The following STBD1 variants were observed in gnomAD, a reference collection of about 807,000 sequenced individuals.
STBD1 encodes the protein starch binding domain 1.
In STBD1, 13 loss-of-function variants were observed where a neutral mutation model predicts 10.5. That is an observed-to-expected ratio of 1.24 (90% CI 0.81 to 1.97). The LOEUF is 1.97. STBD1 is among the 30% of genes most tolerant of loss of function. The pLI, the probability that STBD1 is intolerant of heterozygous loss-of-function variation, is 0.00. For missense variants in STBD1, 427 were observed against 435.6 expected, an observed-to-expected ratio of 0.98 and a Z score of 0.17; for synonymous variants, 146 against 160.2, an observed-to-expected ratio of 0.91 and a Z score of 0.67.
chr4:76,307,917 C>G (rs1718825853), intron 1 of STBD1, among the ~76,000 whole-genome samples: 1 of 152,260 alleles, frequency 6.6e-6, no homozygotes, highest in East Asian at 1.9e-4. Context: ...TGTGATTGGT[C>G]TGGGATGCCT....
rs112760770 is a variant in STBD1 at position 76,310,428 on chromosome 4, TA to T, written c.*430del. The T allele has an allele frequency of 0.025, 4,059 of 163,284 alleles. 179 individuals carry two copies. The highest frequency in any genetic ancestry group is 0.092 in the African/African-American group (3,837 of 41,764). 10.1% of individuals were successfully genotyped at this position (163,284 alleles called of 1,614,324 possible). A position where few individuals can be genotyped will look rare whatever the true frequency, so the allele number is the denominator to read the frequency against. On this transcript the variant is annotated 3_prime_UTR_variant, in exon 2 of 2. Transcript: ENST00000237642. The stretch of plus-strand genomic sequence containing the variant: ...TGATCTTTAAACTATGGTAGTAAAA[TA>T]AGCCTCACTCAAACATAGCTGACTT...
rs1578829596 is a variant in STBD1 at position 76,310,083 on chromosome 4, A to C, written c.*83A>C. The C allele has an allele frequency of 6.7e-7, 1 of 1,496,718 alleles. No homozygotes were observed. The highest frequency in any genetic ancestry group is 2.3e-5 in the East Asian group (1 of 44,046). The allele number at this position is 1,496,718 out of a possible 1,614,324, so 92.7% of individuals were successfully genotyped here. Reference sequence around the variant, plus strand: ...GGAACACACTGAATAAAATAAAGGCAGTGTGACTCCAAATTCAGCCATCTG... The same window carrying C: ...GGAACACACTGAATAAAATAAAGGCCGTGTGACTCCAAATTCAGCCATCTG... On this transcript the variant is annotated 3_prime_UTR_variant, in exon 2 of 2. Transcript: ENST00000237642.
rs1389151179 is a variant in STBD1, at chr4:76,308,960, C to T, written c.221-184C>T. Among the ~76,000 whole-genome samples the T allele has an allele frequency of 6.6e-5, 10 of 152,302 alleles. 1 individual carries two copies. Among genetic ancestry groups the T allele is most frequent in the Admixed American group, 6.5e-4 (10 of 15,298 alleles). On this transcript the variant is annotated intron_variant, in intron 1 of 1. Coordinates refer to ENST00000237642, the MANE Select transcript of STBD1 (RefSeq NM_003943.5). ...TTGTTGTCAGATATACATGTGTATT[C>T]TTAGAGCACAGTGTTGGGAGCATAC...
In STBD1 at chr4:76,311,054, G is replaced by T. The variant is rs1377943068; in HGVS notation, c.*1054G>T. ...GACAGTGGTACAGAAATACATCTTT[G>T]CTCTGAGAATACAGCAAATATTAAC... is the stretch of plus-strand genomic sequence containing the variant. On this transcript the variant is annotated 3_prime_UTR_variant, in exon 2 of 2. Coordinates refer to ENST00000237642, the MANE Select transcript of STBD1 (RefSeq NM_003943.5). The T allele has an allele frequency of 6.6e-6, 1 of 152,146 alleles. No homozygotes were observed. Among genetic ancestry groups the T allele is most frequent in the Non-Finnish European group, 1.5e-5 (1 of 68,020 alleles). 9.4% of individuals were successfully genotyped at this position (152,146 alleles called of 1,614,324 possible). A position where few individuals can be genotyped will look rare whatever the true frequency, so the allele number is the denominator to read the frequency against.
rs1718917722 is a variant in STBD1, at chr4:76,310,680, G to A, written c.*680G>A. On this transcript the variant is annotated 3_prime_UTR_variant, in exon 2 of 2. Transcript: ENST00000237642. ...GTACGTCTTTGTCTTAATGATCTAA[G>A]GCTGGTGTAGAAACAAAGGGCCTAA... 1 of 152,712 alleles carries A rather than the reference G, an allele frequency of 6.5e-6. No homozygotes were observed. The highest frequency in any genetic ancestry group is 2.4e-5 in the African/African-American group (1 of 41,426). 9.5% of individuals were successfully genotyped at this position (152,712 alleles called of 1,614,324 possible).
chr4:76,309,190 C>T lies in STBD1; in HGVS notation c.267C>T (p.Asp89=), dbSNP rs1221646319. The T allele has an allele frequency of 6.2e-7, 1 of 1,606,970 alleles. No individual in the cohort carries two copies. The highest frequency in any genetic ancestry group is 1.1e-5 in the South Asian group (1 of 88,654). ...GACATTTGATTTCTAAGACCAAAGA[C>T]CTTGGTAAACTGCAAGCAGCATCAT... is the stretch of plus-strand genomic sequence containing the variant. The part of the protein sequence containing the change: ...SNGHLISKTK[D]LGKLQAASWR... Residue 89 remains aspartate, a synonymous_variant, in exon 2 of 2, where the codon GAC becomes GAT. Coordinates refer to ENST00000237642, the MANE Select transcript of STBD1 (RefSeq NM_003943.5).
rs758504609 is a variant in STBD1 at position 76,309,669 on chromosome 4, G to A, written c.746G>A (p.Gly249Glu). The A allele has an allele frequency of 7.4e-6, 12 of 1,614,212 alleles. No homozygotes were observed. Among genetic ancestry groups the A allele is most frequent in the Non-Finnish European group, 1.0e-5 (12 of 1,180,036 alleles). ...GAAGCAAGAGGTCAGCAAGTGCATG[G>A]GAAAATGGAAAGGGTAGCAGTGATG... ...LVEARGQQVH[G>E]KMERVAVMPA... Residue 249 changes from glycine to glutamate, a missense_variant, in exon 2 of 2, where the codon GGG becomes GAG. By Grantham distance (98) the Gly-to-Glu change is moderately conservative. Coordinates refer to ENST00000237642, the MANE Select transcript of STBD1 (RefSeq NM_003943.5).
intron 1 of STBD1, among the ~76,000 whole-genome samples, chr4:76,307,650 A>T (rs1718816576): frequency 6.9e-6 from 1 of 145,742 alleles, no homozygotes; most frequent in Non-Finnish European, 1.6e-5. Flanking sequence ...AGTCATCCCT[A>T]GGAAGGGACT....
rs1482163059 is a variant in STBD1 at position 76,306,798 on chromosome 4, T to C, written c.29T>C (p.Val10Ala). 6.2e-7 allele frequency: 1 copy of C among 1,612,328 alleles called. No individual in the cohort carries two copies. The highest frequency in any genetic ancestry group is 8.5e-7 in the Non-Finnish European group (1 of 1,179,720). Residue 10 changes from valine to alanine, a missense_variant, in exon 1 of 2, where the codon GTT becomes GCT. Transcript: ENST00000237642. ...GGCGCCGTCTGGTCCGCCCTGCTGGTTGGAGGGGGTCTGGCCGGAGCACTT... is the reference window on the plus strand; with the variant it reads ...GGCGCCGTCTGGTCCGCCCTGCTGGCTGGAGGGGGTCTGGCCGGAGCACTT... Reference protein sequence around the residue: MGAVWSALLVGGGLAGALFV... With the variant: MGAVWSALLAGGGLAGALFV...
At position 76,309,552 on chromosome 4, in the gene STBD1, C is replaced by T; in HGVS notation, c.629C>T (p.Ser210Leu). Residue 210 changes from serine (S) to leucine (L), a missense_variant, in exon 2 of 2, where the codon TCA (serine) becomes TTA (leucine). Ser to Leu is a moderately radical substitution (Grantham distance 145, BLOSUM62 -2). Coordinates refer to ENST00000237642, the MANE Select transcript of STBD1 (RefSeq NM_003943.5). ...HEEWEMVPRH[S>L]SWGDVGVGGS... ...GAGTGGGAAATGGTGCCTAGGCACT[C>T]ATCTTGGGGGGATGTTGGTGTGGGT... 3 of 1,614,202 alleles carry T rather than the reference C, an allele frequency of 1.9e-6. No individual in the cohort carries two copies. Among genetic ancestry groups the T allele is most frequent in the South Asian group, 1.1e-5 (1 of 91,086 alleles).
Position 76,310,175 on chromosome 4 carries a change from T to C in STBD1, c.*175T>C. The C allele has an allele frequency of 6.8e-6, 5 of 740,172 alleles. No individual in the cohort carries two copies. The highest frequency in any genetic ancestry group is 1.1e-5 in the Non-Finnish European group (5 of 459,878). The allele number at this position is 740,172 out of a possible 1,614,324, so 45.9% of individuals were successfully genotyped here. On this transcript the variant is annotated 3_prime_UTR_variant, in exon 2 of 2. Transcript: ENST00000237642. ...AATATATATGTCTAATGTGCAGAAA[T>C]ATATATGTGTGTATGTGTGTATATA...
intron 1 of STBD1, among the ~76,000 whole-genome samples, chr4:76,307,902 T>A (rs771987318): frequency 6.6e-6 from 1 of 152,156 alleles, no homozygotes; most frequent in Non-Finnish European, 1.5e-5. Flanking sequence ...CCCGTGTGCC[T>A]TTACTGTGAT....
At chr4:76,308,272 C>CAAA (rs34078861) in intron 1 of STBD1, among the ~76,000 whole-genome samples, 15 of 110,916 alleles carry the variant, frequency 1.4e-4, no homozygotes, top group East Asian at 5.2e-4. Flanking sequence ...GACTCCATCT[C>CAAA]AAAAAAAAAA....
In STBD1 at chr4:76,309,932, T is replaced by C; in HGVS notation, c.1009T>C (p.Cys337Arg). Residue 337 changes from cysteine (C) to arginine (R), a missense_variant, in exon 2 of 2, where the codon TGC (cysteine) becomes CGC (arginine). Transcript: ENST00000237642. ...TGGGGGAGTTACCCGCTGGGAAGAA[T>C]GCAGCAATAGATTCCTAGAAACTGG... ...ENGGVTRWEECSNRFLETGHE... is the reference protein window; with the variant it reads ...ENGGVTRWEERSNRFLETGHE... The C allele has an allele frequency of 1.2e-6, 2 of 1,614,030 alleles. No individual in the cohort carries two copies. The highest frequency in any genetic ancestry group is 1.7e-6 in the Non-Finnish European group (2 of 1,180,024).
chr4:76,308,683 A>G (rs1044734677), intron 1 of STBD1, among the ~76,000 whole-genome samples: 4 of 152,178 alleles, frequency 2.6e-5, no homozygotes, highest in African/African-American at 7.2e-5. Flanking sequence ...GCGAGAGCCA[A>G]TCCCTGCCCT....
At chr4:76,307,536 C>T (rs1718811216) in intron 1 of STBD1, among the ~76,000 whole-genome samples, 1 of 152,234 alleles carries the variant, frequency 6.6e-6, no homozygotes, top group Non-Finnish European at 1.5e-5. Flanking sequence ...TCAGGTTGGA[C>T]TCTGGCCATG....
chr4:76,307,479 C>T (rs1220189898), intron 1 of STBD1, among the ~76,000 whole-genome samples: 1 of 152,240 alleles, frequency 6.6e-6, no homozygotes, highest in Non-Finnish European at 1.5e-5. Context: ...AACACCCGAA[C>T]TGCGGGCGCC....
intron 1 of STBD1, among the ~76,000 whole-genome samples, chr4:76,308,184 G>A (rs564941232): frequency 6.7e-6 from 1 of 149,026 alleles, no homozygotes; most frequent in South Asian, 2.1e-4. Context: ...CAGGAGAATC[G>A]CTTGAACCCG....
rs1718909309 is a variant in STBD1 at position 76,310,375 on chromosome 4, G to T, written c.*375G>T. The T allele has an allele frequency of 1.0e-5, 2 of 194,616 alleles. No homozygotes were observed. Among genetic ancestry groups the T allele is most frequent in the East Asian group, 1.3e-4 (1 of 7,772 alleles). 12.1% of individuals were successfully genotyped at this position (194,616 alleles called of 1,614,324 possible). On this transcript the variant is annotated 3_prime_UTR_variant, in exon 2 of 2. Transcript: ENST00000237642. ...CACGGAGCAAAAACATTAACCAGCT[G>T]CCCAGGGTTCAAGCTTGAGCCTTTA...
Sources: gnomAD v4.1 joint callset for allele counts (sites outside exome capture counted in the v4.1 genomes callset) on GRCh38, gnomAD v4.1.1 for gene constraint, MANE v1.5 for transcripts, NCBI Gene and HGNC (gene_info 2026-07-23, HGNC 2026-07-21) for gene names.